Variants in HDAC9 observed in about 807,000 individuals in gnomAD.
HDAC9 encodes histone deacetylase 9.
In HDAC9, 41 loss-of-function variants were observed where a neutral mutation model predicts 139.4. The ratio of observed to expected loss-of-function variants is 0.29; its 90% CI spans 0.23 to 0.38. The LOEUF (loss-of-function observed/expected upper bound fraction) is 0.38. Among genes scored for constraint, HDAC9 ranks in the 10% least tolerant of loss-of-function variants. The probability of loss-of-function intolerance (pLI) is 1.00; values close to 1 mark genes in which losing one functional copy is unlikely to be tolerated. For synonymous variants in HDAC9, 517 were observed against 476.2 expected (o/e 1.09, Z -1.12); for missense variants, 1,147 against 1,297.0 (o/e 0.88, Z 1.78).
intron 22 of HDAC9, among the ~76,000 whole-genome samples, chr7:18,925,616 A>G (rs933693169): frequency 6.6e-6 from 1 of 151,536 alleles, no homozygotes; most frequent in African/African-American, 2.4e-5. Flanking sequence ...GAAATTTTGT[A>G]TAAGTTAAAT....
intron 25 of HDAC9, among the ~76,000 whole-genome samples, chr7:18,986,640 G>C (rs1006524482): frequency 8.6e-5 from 13 of 151,546 alleles, no homozygotes; most frequent in African/African-American, 2.4e-4. Flanking sequence ...GGATGGCATT[G>C]AATCTGTAAA....
At chr7:18,186,108 C>T (rs1371787971) in intron 2 of HDAC9, among the ~76,000 whole-genome samples, 1 of 152,236 alleles carries the variant, frequency 6.6e-6, no homozygotes, top group Non-Finnish European at 1.5e-5. Flanking sequence ...GAAAACCAAG[C>T]CTTAGAGACT....
intron 12 of HDAC9, among the ~76,000 whole-genome samples, chr7:18,699,941 A>G (rs212669): frequency 0.97 from 148,186 of 152,212 alleles, 72,153 homozygotes; most frequent in East Asian, 1. Context: ...ATTTTGTAAA[A>G]TGATTTTTTT....
At chr7:18,746,979 T>C (rs1284191839) in intron 13 of HDAC9, among the ~76,000 whole-genome samples, 2 of 152,046 alleles carry the variant, frequency 1.3e-5, no homozygotes, top group East Asian at 1.9e-4. Flanking sequence ...AAACTGAGCC[T>C]TGAAGAGTGA....
intron 25 of HDAC9, among the ~76,000 whole-genome samples, chr7:18,991,714 A>T (rs944807363): frequency 1.1e-4 from 17 of 152,096 alleles, no homozygotes; most frequent in Admixed American, 9.8e-4. Flanking sequence ...AAGTCATTTG[A>T]TTCTCTGTCT....
chr7:18,260,035 C>A (rs769969213), intron 2 of HDAC9, among the ~76,000 whole-genome samples: 1 of 152,074 alleles, frequency 6.6e-6, no homozygotes, highest in South Asian at 2.1e-4. Flanking sequence ...TTATATTTTT[C>A]TTTCCTATAT....
At chr7:18,715,251 T>C (rs547621548) in intron 12 of HDAC9, among the ~76,000 whole-genome samples, 1 of 152,160 alleles carries the variant, frequency 6.6e-6, no homozygotes, top group African/African-American at 2.4e-5. Flanking sequence ...TGTTTTTTTT[T>C]TTTAAAGCGG....
chr7:18,963,686 G>A (rs1393170132), intron 24 of HDAC9, among the ~76,000 whole-genome samples: 1 of 152,050 alleles, frequency 6.6e-6, no homozygotes, highest in Non-Finnish European at 1.5e-5. Flanking sequence ...AAACTCCTAT[G>A]GATAAAGAAT....
chr7:18,933,909 G>T (rs1270446533), intron 22 of HDAC9, among the ~76,000 whole-genome samples: 2 of 152,076 alleles, frequency 1.3e-5, no homozygotes, highest in Non-Finnish European at 2.9e-5. Flanking sequence ...TGATGTAGCA[G>T]ATTAGAGATG....
intron 2 of HDAC9, among the ~76,000 whole-genome samples, chr7:18,519,225 G>A (rs1264107835): frequency 1.3e-5 from 2 of 152,070 alleles, no homozygotes; most frequent in Non-Finnish European, 2.9e-5. Context: ...GAAAGATCTA[G>A]GTCAGTGTAA....
chr7:18,892,460 C>G (rs1218405999), intron 22 of HDAC9: 1 of 152,146 alleles, frequency 6.6e-6, no homozygotes, highest in Non-Finnish European at 1.5e-5. Flanking sequence ...CACAGGTGGT[C>G]TGGCATCAGA....
intron 6 of HDAC9, among the ~76,000 whole-genome samples, chr7:18,598,350 A>C (rs1292457370): frequency 2.0e-5 from 3 of 152,198 alleles, no homozygotes; most frequent in Non-Finnish European, 4.4e-5. Context: ...TAAACTTGTC[A>C]AAGTTTATTT....
At chr7:18,225,642 G>A (rs1389779911) in intron 2 of HDAC9, among the ~76,000 whole-genome samples, 2 of 152,162 alleles carry the variant, frequency 1.3e-5, no homozygotes, top group East Asian at 1.9e-4. Flanking sequence ...AAATTAAGTT[G>A]CCACAAATTA....
At chr7:18,411,371 A>G (rs1208344983) in intron 1 of HDAC9, among the ~76,000 whole-genome samples, 1 of 152,146 alleles carries the variant, frequency 6.6e-6, no homozygotes, top group Non-Finnish European at 1.5e-5. Context: ...TACATGAAAT[A>G]TTAGACTTCT....
At chr7:18,209,419 C>T (rs1265725391) in intron 2 of HDAC9, among the ~76,000 whole-genome samples, 1 of 152,164 alleles carries the variant, frequency 6.6e-6, no homozygotes, top group Non-Finnish European at 1.5e-5. Context: ...AGTGTTCTTT[C>T]TATAGCCATA....
At chr7:18,800,995 A>G (rs1433253903) in intron 17 of HDAC9, among the ~76,000 whole-genome samples, 3 of 152,100 alleles carry the variant, frequency 2.0e-5, no homozygotes, top group South Asian at 2.1e-4. Context: ...GTACATCATT[A>G]TTATTGCAAA....
At chr7:18,815,792 G>T (rs1244915253) in intron 17 of HDAC9, among the ~76,000 whole-genome samples, 1 of 152,172 alleles carries the variant, frequency 6.6e-6, no homozygotes, top group African/African-American at 2.4e-5. Flanking sequence ...CCTTGAGCTG[G>T]CTCAAAGAAA....
chr7:18,315,135 C>A (rs1799552995), intron 1 of HDAC9, among the ~76,000 whole-genome samples: 1 of 152,140 alleles, frequency 6.6e-6, no homozygotes, highest in African/African-American at 2.4e-5. Flanking sequence ...GGATTCTTTT[C>A]TTTTTATAAG....
At chr7:18,392,198 A>G (rs146251193) in intron 1 of HDAC9, among the ~76,000 whole-genome samples, 1 of 151,994 alleles carries the variant, frequency 6.6e-6, no homozygotes, top group Non-Finnish European at 1.5e-5. Context: ...TGGGATTATT[A>G]TAATATGATC....
Sources: allele counts gnomAD v4.1 joint callset (sites outside exome capture counted in the v4.1 genomes callset), GRCh38; gene constraint gnomAD v4.1.1; transcripts MANE v1.5; gene names NCBI Gene and HGNC (gene_info 2026-07-23, HGNC 2026-07-21).